TRIM45: variants seen among roughly 807,000 people sequenced by gnomAD.
TRIM45 encodes the protein E3 ubiquitin-protein ligase TRIM45.
Under a neutral mutation model 46.7 loss-of-function variants are expected in TRIM45, and 45 were observed. That is an observed-to-expected ratio of 0.96 (90% CI 0.76 to 1.24). The LOEUF (loss-of-function observed/expected upper bound fraction) is 1.24. Ranked by LOEUF, TRIM45 falls within the 50% of genes most tolerant of loss-of-function variation. The pLI, the probability that TRIM45 is intolerant of heterozygous loss-of-function variation, is 0.00. For synonymous variants in TRIM45, 259 were observed against 285.8 expected, an observed-to-expected ratio of 0.91 and a Z score of 0.94; for missense variants, 680 against 728.4, an observed-to-expected ratio of 0.93 and a Z score of 0.77.
At position 117,113,471 on chromosome 1, in the gene TRIM45, A is replaced by G; in HGVS notation, c.1482T>C (p.Thr494=). The change falls in exon 5 of 6, where the codon ACT becomes ACC. Residue 494 remains threonine, a synonymous_variant. Coordinates refer to ENST00000256649, the MANE Select transcript of TRIM45 (RefSeq NM_025188.4). This position sits in a 1 kb window ranked among gnomAD's most constrained non-coding sequence, Gnocchi z 4.0. The part of the protein sequence containing the change: ...KEQHVQGSPF[T]VMVRRKHRPH... ...GGCGGTGCTTTCTCCTCACCATCAC[A>G]GTGAATGGCGAGCCCTGCAGTGTTC... 6.2e-7 allele frequency: 1 copy of G among 1,612,936 alleles called. No homozygotes were observed. Among genetic ancestry groups the G allele is most frequent in the Non-Finnish European group, 8.5e-7 (1 of 1,180,026 alleles).
In TRIM45 at chr1:117,118,615, C is replaced by A; in HGVS notation, c.641G>T (p.Cys214Phe). Residue 214 changes from cysteine (C) to phenylalanine (F), a missense_variant, in exon 2 of 6, where the codon TGT becomes TTT. By Grantham distance (205) the Cys-to-Phe change is radical. This residue lies in a region of TRIM45 where 349 missense variants were observed against 343.6 expected (regional missense o/e 1.02). Transcript: ENST00000256649. This position sits in a 1 kb window ranked among gnomAD's most constrained non-coding sequence, Gnocchi z 5.7. ...GTGTTCCCGATGCTCCCCCACCACA[C>A]AATCCTGGCACACGGGCCGGTCACA... ...EFCDRPVCQD[C>F]VVGEHREHPC... The A allele has an allele frequency of 6.2e-7, 1 of 1,614,142 alleles. No individual in the cohort carries two copies. The highest frequency in any genetic ancestry group is 8.5e-7 in the Non-Finnish European group (1 of 1,180,044).
chr1:117,120,922 A>G lies in TRIM45; in HGVS notation c.280T>C (p.Cys94Arg). 6.2e-7 allele frequency: 1 copy of G among 1,614,212 alleles called. No individual in the cohort carries two copies. The highest frequency in any genetic ancestry group is 8.5e-7 in the Non-Finnish European group (1 of 1,180,026). ...RSLQSQIGIL[C>R]PVCDAQVDLP... is the part of the protein sequence containing the mutation. ...TCCACCTGAGCATCACATACAGGAC[A>G]AAGGATGCCGATCTGCGACTGCAGA... The change falls in exon 1 of 6, where the codon TGT (cysteine) becomes CGT (arginine). Residue 94 changes from cysteine (C) to arginine (R), a missense_variant. By Grantham distance (180) the Cys-to-Arg change is radical. Transcript: ENST00000256649.
Position 117,120,999 on chromosome 1 carries a change from T to G in TRIM45, c.203A>C (p.Asp68Ala). The change falls in exon 1 of 6, where the codon GAC becomes GCC. Residue 68 changes from aspartate (D) to alanine (A), a missense_variant. This residue lies in a region of TRIM45 where 349 missense variants were observed against 343.6 expected (regional missense o/e 1.02). Coordinates refer to ENST00000256649, the MANE Select transcript of TRIM45 (RefSeq NM_025188.4). ...TGACCCCTCAGAGCTTGTGTCAGAG[T>G]CTCCCCCTCGGATGTCCACTACTGA... Reference protein sequence around the residue: ...PFSVVDIRGGDSDTSSEGSIF... With the variant: ...PFSVVDIRGGASDTSSEGSIF... 1 of 1,613,928 alleles carries G rather than the reference T, an allele frequency of 6.2e-7. No homozygotes were observed. Among genetic ancestry groups the G allele is most frequent in the Middle Eastern group, 1.6e-4 (1 of 6,062 alleles).
Position 117,120,994 on chromosome 1 carries a change from CAG to C in TRIM45, c.206_207del (p.Ser69Ter), listed in dbSNP as rs771801751. On this transcript the variant is annotated frameshift_variant, in exon 1 of 6. Transcript: ENST00000256649. LOFTEE classifies it high-confidence loss of function. The stretch of plus-strand genomic sequence containing the variant: ...AATATTGACCCCTCAGAGCTTGTGT[CAG>C]AGTCTCCCCCTCGGATGTCCACTAC... ...FSVVDIRGGD[S>X]DTSSEGSIFQ... 166 of 1,614,098 alleles carry C rather than the reference CAG, an allele frequency of 1.0e-4. No individual in the cohort carries two copies. Among genetic ancestry groups the C allele is most frequent in the Non-Finnish European group, 1.4e-4 (160 of 1,180,052 alleles).
Position 117,112,271 on chromosome 1 carries a change from T to C in TRIM45, c.*34A>G, listed in dbSNP as rs368319153. ...GTCCTCTGGAAATCTCAAGTGGTGC[T>C]GCCTGCAGCTTTAAAAGGCTGAGCA... On this transcript the variant is annotated 3_prime_UTR_variant, in exon 6 of 6. Transcript: ENST00000256649. The C allele has an allele frequency of 6.6e-7, 1 of 1,511,218 alleles. No homozygotes were observed. Among genetic ancestry groups the C allele is most frequent in the Non-Finnish European group, 8.9e-7 (1 of 1,127,330 alleles). 93.6% of individuals were successfully genotyped at this position (1,511,218 alleles called of 1,614,324 possible). A position where few individuals can be genotyped will look rare whatever the true frequency, so the allele number is the denominator to read the frequency against.
In TRIM45 at chr1:117,118,600, T is replaced by C. The variant is rs867729910; in HGVS notation, c.656A>G (p.His219Arg). The stretch of plus-strand genomic sequence containing the variant: ...GGTGAAGTCACAGGGGTGTTCCCGA[T>C]GCTCCCCCACCACACAATCCTGGCA... ...PVCQDCVVGE[H>R]REHPCDFTSN... Residue 219 changes from histidine (H) to arginine (R), a missense_variant, in exon 2 of 6, where the codon CAT becomes CGT. This residue lies in a region of TRIM45 where 349 missense variants were observed against 343.6 expected (regional missense o/e 1.02). Coordinates refer to ENST00000256649, the MANE Select transcript of TRIM45 (RefSeq NM_025188.4). The surrounding 1 kb of genome is among the most constrained non-coding windows in gnomAD (Gnocchi z 5.7). The C allele has an allele frequency of 6.2e-7, 1 of 1,614,158 alleles. No homozygotes were observed. Among genetic ancestry groups the C allele is most frequent in the East Asian group, 2.2e-5 (1 of 44,886 alleles).
Position 117,121,046 on chromosome 1 carries a change from A to T in TRIM45, c.156T>A (p.Cys52Ter), listed in dbSNP as rs1650603433. ...CTGAGAAGGGCTCCAGCTGCTCCAG[A>T]CACGTGGTGCAAACTGTATGCAAAC... ...LPCLHTVCTT[C>*]LEQLEPFSVV... The change falls in exon 1 of 6, where the codon TGT becomes TGA. Residue 52 changes from cysteine to a stop codon, truncating the protein, a stop_gained. Coordinates refer to ENST00000256649, the MANE Select transcript of TRIM45 (RefSeq NM_025188.4). LOFTEE classifies it high-confidence loss of function. The surrounding 1 kb of genome is among the most constrained non-coding windows in gnomAD (Gnocchi z 4.2). 6.2e-7 allele frequency: 1 copy of T among 1,614,108 alleles called. No homozygotes were observed. The highest frequency in any genetic ancestry group is 8.5e-7 in the Non-Finnish European group (1 of 1,179,990).
rs201597102 is a variant in TRIM45, at chr1:117,117,984, C to T, written c.1222+50G>A. 2 of 1,574,518 alleles carry T rather than the reference C, an allele frequency of 1.3e-6. No individual in the cohort carries two copies. The highest frequency in any genetic ancestry group is 2.2e-5 in the East Asian group (1 of 44,698). ...GAACAAGCCACCAATCTTCACACAC[C>T]ACCTCCCTGTCCACTGCCCTCTCAA... On this transcript the variant is annotated intron_variant, in intron 2 of 5. Coordinates refer to ENST00000256649, the MANE Select transcript of TRIM45 (RefSeq NM_025188.4). The surrounding 1 kb of genome is among the most constrained non-coding windows in gnomAD (Gnocchi z 4.9).
At position 117,116,318 on chromosome 1, in the gene TRIM45, C is replaced by T. The variant is rs888884973; in HGVS notation, c.1352+298G>A. ...GCACAATCACAGCTCACTGCAACCT[C>T]GACCTCCTGGGCTCAAGGGATCCTC... On this transcript the variant is annotated intron_variant, in intron 3 of 5. Coordinates refer to ENST00000256649, the MANE Select transcript of TRIM45 (RefSeq NM_025188.4). This position sits in a 1 kb window ranked among gnomAD's most constrained non-coding sequence, Gnocchi z 4.6. Among the ~76,000 whole-genome samples the T allele has an allele frequency of 3.3e-5, 5 of 151,454 alleles. No individual in the cohort carries two copies. Among genetic ancestry groups the T allele is most frequent in the Non-Finnish European group, 7.4e-5 (5 of 67,906 alleles).
rs1470223982 is a variant in TRIM45, at chr1:117,117,273, GA to G, written c.1223-529del. ...CAGGGTTTCTTAACCTGAGGTTCAT[GA>G]ACTACTATGAGGTCTATGGAAAGGC... On this transcript the variant is annotated intron_variant, in intron 2 of 5. Coordinates refer to ENST00000256649, the MANE Select transcript of TRIM45 (RefSeq NM_025188.4). The surrounding 1 kb of genome is among the most constrained non-coding windows in gnomAD (Gnocchi z 4.9). Among the ~76,000 whole-genome samples, 1 of 152,122 alleles carries G rather than the reference GA, an allele frequency of 6.6e-6. No homozygotes were observed. Among genetic ancestry groups the G allele is most frequent in the East Asian group, 1.9e-4 (1 of 5,170 alleles).
rs924842344 is a variant in TRIM45, at chr1:117,118,598, G to A, written c.658C>T (p.Arg220Trp). ...VCQDCVVGEH[R>W]EHPCDFTSNV... Reference sequence around the variant, plus strand: ...CTGGTGAAGTCACAGGGGTGTTCCCGATGCTCCCCCACCACACAATCCTGG... The same window carrying A: ...CTGGTGAAGTCACAGGGGTGTTCCCAATGCTCCCCCACCACACAATCCTGG... Residue 220 changes from arginine (R) to tryptophan (W), a missense_variant, in exon 2 of 6, where the codon CGG becomes TGG. Arg to Trp is a moderately radical substitution (Grantham distance 101, BLOSUM62 -3). This residue lies in a region of TRIM45 where 349 missense variants were observed against 343.6 expected (regional missense o/e 1.02). Coordinates refer to ENST00000256649, the MANE Select transcript of TRIM45 (RefSeq NM_025188.4). The surrounding 1 kb of genome is among the most constrained non-coding windows in gnomAD (Gnocchi z 5.7). The A allele has an allele frequency of 6.2e-6, 10 of 1,614,146 alleles. No individual in the cohort carries two copies. The highest frequency in any genetic ancestry group is 1.6e-4 in the Middle Eastern group (1 of 6,062).
rs778600878 is a variant in TRIM45 at position 117,118,223 on chromosome 1, T to C, written c.1033A>G (p.Ile345Val). The C allele has an allele frequency of 1.3e-5, 21 of 1,614,212 alleles. No homozygotes were observed. The highest frequency in any genetic ancestry group is 3.3e-5 in the South Asian group (3 of 91,076). ...LTSGSDLEIL[I>V]TKRVVVERLR... ...CGTTCTACCACCACCCTCTTGGTGA[T>C]GAGGATCTCCAAGTCTGAGCCGCTG... The change falls in exon 2 of 6, where the codon ATC (isoleucine) becomes GTC (valine). Residue 345 changes from isoleucine to valine, a missense_variant. Physicochemically the swap from Ile to Val is conservative, Grantham distance 29. Coordinates refer to ENST00000256649, the MANE Select transcript of TRIM45 (RefSeq NM_025188.4). The surrounding 1 kb of genome is among the most constrained non-coding windows in gnomAD (Gnocchi z 5.7).
In TRIM45 at chr1:117,113,408, G is replaced by T; in HGVS notation, c.1545C>A (p.Ser515=). ...AGCGAGCGGTTTTCTGGCCCCCGCT[G>T]GAGCAGAAGGTGCAGCAGTGAAACA... The part of the protein sequence containing the change: ...SGVFHCCTFC[S]SGGQKTARCA... The change falls in exon 5 of 6, where the codon TCC becomes TCA. Residue 515 remains serine, a synonymous_variant. Transcript: ENST00000256649. The surrounding 1 kb of genome is among the most constrained non-coding windows in gnomAD (Gnocchi z 4.0). The T allele has an allele frequency of 1.9e-6, 3 of 1,612,394 alleles. No individual in the cohort carries two copies. The highest frequency in any genetic ancestry group is 2.5e-6 in the Non-Finnish European group (3 of 1,179,934).
chr1:117,116,272 T>C lies in TRIM45; in HGVS notation c.1352+344A>G, dbSNP rs1418610633. Among the ~76,000 whole-genome samples the C allele has an allele frequency of 2.6e-5, 4 of 152,038 alleles. No homozygotes were observed. Among genetic ancestry groups the C allele is most frequent in the African/African-American group, 7.2e-5 (3 of 41,386 alleles). Reference sequence around the variant, plus strand: ...TTTTGGACCTGGGGTCTTGCTCTGTTGCCCAGGCTGGAGTGCACTGGCACA... The same window carrying C: ...TTTTGGACCTGGGGTCTTGCTCTGTCGCCCAGGCTGGAGTGCACTGGCACA... On this transcript the variant is annotated intron_variant, in intron 3 of 5. Coordinates refer to ENST00000256649, the MANE Select transcript of TRIM45 (RefSeq NM_025188.4). This position sits in a 1 kb window ranked among gnomAD's most constrained non-coding sequence, Gnocchi z 4.6.
At position 117,118,419 on chromosome 1, in the gene TRIM45, T is replaced by A. The variant is rs748741578; in HGVS notation, c.837A>T (p.Thr279=). Residue 279 remains threonine (T), a synonymous_variant, in exon 2 of 6, where the codon ACA becomes ACT. Coordinates refer to ENST00000256649, the MANE Select transcript of TRIM45 (RefSeq NM_025188.4). This position sits in a 1 kb window ranked among gnomAD's most constrained non-coding sequence, Gnocchi z 5.7. Reference sequence around the variant, plus strand: ...TGGCCTTAATGTAGCCCTCCGAGAATGTCCGGACATCAGCTGCCACTGCCT... The same window carrying A: ...TGGCCTTAATGTAGCCCTCCGAGAAAGTCCGGACATCAGCTGCCACTGCCT... ...RVEAVAADVR[T]FSEGYIKAIE... The A allele has an allele frequency of 9.3e-6, 15 of 1,613,864 alleles. No homozygotes were observed. Among genetic ancestry groups the A allele is most frequent in the Non-Finnish European group, 1.3e-5 (15 of 1,179,988 alleles).
In TRIM45 at chr1:117,115,659, C is replaced by T; in HGVS notation, c.1383G>A (p.Lys461=). 1.2e-6 allele frequency: 2 copies of T among 1,614,058 alleles called. No homozygotes were observed. Among genetic ancestry groups the T allele is most frequent in the East Asian group, 2.2e-5 (1 of 44,876 alleles). Residue 461 remains lysine (K), a synonymous_variant, in exon 4 of 6, where the codon AAG becomes AAA. Coordinates refer to ENST00000256649, the MANE Select transcript of TRIM45 (RefSeq NM_025188.4). The surrounding 1 kb of genome is among the most constrained non-coding windows in gnomAD (Gnocchi z 4.2). ...SPVRTMVQDN[K]DGTYYISYTP... ...TGTAGGAAATGTAGTATGTCCCATC[C>T]TTGTTATCCTGGACCATTGTTCTGA...
chr1:117,119,969 T>C (rs1483853730), intron 1 of TRIM45, among the ~76,000 whole-genome samples: 1 of 152,202 alleles, frequency 6.6e-6, no homozygotes, highest in Non-Finnish European at 1.5e-5. Context: ...AGGCTAATCC[T>C]AAAACTGTGG....
In TRIM45 at chr1:117,116,970, G is replaced by T. The variant is rs1241997590; in HGVS notation, c.1223-225C>A. Among the ~76,000 whole-genome samples, 1 of 151,976 alleles carries T rather than the reference G, an allele frequency of 6.6e-6. No individual in the cohort carries two copies. Among genetic ancestry groups the T allele is most frequent in the East Asian group, 1.9e-4 (1 of 5,166 alleles). On this transcript the variant is annotated intron_variant, in intron 2 of 5. Coordinates refer to ENST00000256649, the MANE Select transcript of TRIM45 (RefSeq NM_025188.4). This position sits in a 1 kb window ranked among gnomAD's most constrained non-coding sequence, Gnocchi z 4.6. ...GCTGCTTTGGATCACACAGGATCCT[G>T]GACCTTACCTTCAGTCCTAGGACTG...
chr1:117,121,852 C>T (rs1650655001), upstream of TRIM45: 2 of 714,470 alleles, frequency 2.8e-6, no homozygotes, highest in Non-Finnish European at 2.6e-6. This position sits in a 1 kb window ranked among gnomAD's most constrained non-coding sequence, Gnocchi z 4.2. Flanking sequence ...TCCAGAGTGA[C>T]GCCACTAAGC....
Sources: allele counts gnomAD v4.1 joint callset (sites outside exome capture counted in the v4.1 genomes callset), GRCh38; gene constraint gnomAD v4.1.1; regional missense constraint gnomAD v4.1.1; non-coding constraint Gnocchi (gnomAD v3.1); transcripts MANE v1.5; gene names NCBI Gene and HGNC (gene_info 2026-07-23, HGNC 2026-07-21).